The following LUZP2 variants were observed in gnomAD, a reference collection of about 807,000 sequenced individuals.
The protein encoded by LUZP2 is leucine zipper protein 2.
In LUZP2, 52 loss-of-function variants were observed where a neutral mutation model predicts 51.6. That is an observed-to-expected ratio of 1.01 (90% CI 0.81 to 1.27). LUZP2 has a LOEUF of 1.27. LUZP2 is among the 50% of genes most tolerant of loss of function. LUZP2 has a pLI of 0.00. For missense variants in LUZP2, 436 were observed against 395.4 expected, an observed-to-expected ratio of 1.10 and a Z score of -0.87; for synonymous variants, 154 against 137.3, an observed-to-expected ratio of 1.12 and a Z score of -0.85.
intron 9 of LUZP2, among the ~76,000 whole-genome samples, chr11:25,034,844 C>T (rs926631189): frequency 6.6e-6 from 1 of 152,086 alleles, no homozygotes; most frequent in Non-Finnish European, 1.5e-5. Context: ...AGTTTCAGGT[C>T]AGGTAGTGTG....
In LUZP2 at chr11:24,585,182, G is replaced by T. The variant is rs541844443; in HGVS notation, c.62+87877G>T. On this transcript the variant is annotated intron_variant, in intron 1 of 11. Coordinates refer to ENST00000336930, the MANE Select transcript of LUZP2 (RefSeq NM_001009909.4). Reference sequence around the variant, plus strand: ...AACATAGGTAAATTTACTGAAAAATGGAGAAAATATGTGCCTCTTTCCCTG... The same window carrying T: ...AACATAGGTAAATTTACTGAAAAATTGAGAAAATATGTGCCTCTTTCCCTG... 4.6e-5 allele frequency among the ~76,000 whole-genome samples: 7 copies of T among 152,102 alleles called. No homozygotes were observed. In the East Asian group the frequency reaches 1.2e-3, roughly 25 times the overall value.
chr11:24,531,525 C>T (rs1850999492), intron 1 of LUZP2, among the ~76,000 whole-genome samples: 1 of 150,760 alleles, frequency 6.6e-6, no homozygotes, highest in African/African-American at 2.4e-5. Context: ...AATGAGAATG[C>T]ATTTTTCCTA....
intron 7 of LUZP2, among the ~76,000 whole-genome samples, chr11:24,950,907 A>G (rs922981707): frequency 3.3e-5 from 5 of 151,542 alleles, no homozygotes; most frequent in Non-Finnish European, 7.4e-5. Context: ...TAATCAAGAC[A>G]TTGATAAGAA....
chr11:24,936,798 A>G (rs1854599686), intron 7 of LUZP2, among the ~76,000 whole-genome samples: 1 of 152,118 alleles, frequency 6.6e-6, no homozygotes, highest in Admixed American at 6.5e-5. Flanking sequence ...CAGAGGCCAA[A>G]ATTCACAATA....
intron 7 of LUZP2, among the ~76,000 whole-genome samples, chr11:24,932,913 CT>C (rs1299115499): frequency 4.6e-5 from 7 of 152,170 alleles, no homozygotes; most frequent in African/African-American, 1.7e-4. Context: ...CCCAATTCCT[CT>C]GGCAGCCTTC....
At chr11:24,920,982 T>G (rs975877331) in intron 7 of LUZP2, among the ~76,000 whole-genome samples, 1 of 152,050 alleles carries the variant, frequency 6.6e-6, no homozygotes, top group Non-Finnish European at 1.5e-5. Context: ...CACATAAAAA[T>G]AATATATCCA....
rs927098117 is a variant in LUZP2 at position 24,814,285 on chromosome 11, G to A, written c.396+50977G>A. 4.6e-5 allele frequency among the ~76,000 whole-genome samples: 7 copies of A among 151,920 alleles called. No homozygotes were observed. The East Asian group carries it at 7.7e-4, about 17-fold the overall frequency. On this transcript the variant is annotated intron_variant, in intron 5 of 11. Coordinates refer to ENST00000336930, the MANE Select transcript of LUZP2 (RefSeq NM_001009909.4). ...TGTGAAAAATTATTTCTTCATCCTC[G>A]TTTTTCCTGTGTAGATCCTAGAACA...
chr11:24,703,940 T>C (rs1288297289), intron 1 of LUZP2, among the ~76,000 whole-genome samples: 4 of 152,204 alleles, frequency 2.6e-5, no homozygotes, highest in African/African-American at 9.7e-5. Flanking sequence ...CTCTTGGGAA[T>C]AACCACATAG....
chr11:24,723,335 C>T (rs1003882541), intron 1 of LUZP2, among the ~76,000 whole-genome samples: 30 of 152,118 alleles, frequency 2.0e-4, no homozygotes, highest in African/African-American at 6.5e-4. Flanking sequence ...AGAACATATG[C>T]GTGCTTTATG....
chr11:24,632,172 A>G (rs1854919619), intron 1 of LUZP2, among the ~76,000 whole-genome samples: 1 of 151,988 alleles, frequency 6.6e-6, no homozygotes, highest in African/African-American at 2.4e-5. Context: ...GCATTTCACT[A>G]CTGAATTTTT....
intron 10 of LUZP2, among the ~76,000 whole-genome samples, chr11:25,066,830 G>A (rs1004923510): frequency 4.6e-5 from 7 of 151,906 alleles, no homozygotes; most frequent in Non-Finnish European, 1.0e-4. Context: ...AGACTATAAC[G>A]TGCTGAATTG....
intron 9 of LUZP2, among the ~76,000 whole-genome samples, chr11:25,046,502 C>T (rs919966963): frequency 6.6e-6 from 1 of 151,712 alleles, no homozygotes; most frequent in African/African-American, 2.4e-5. Flanking sequence ...TTCTCTTAAT[C>T]CTAAAAAAAT....
At chr11:25,052,161 G>C (rs778366089) in intron 10 of LUZP2, among the ~76,000 whole-genome samples, 3 of 152,130 alleles carry the variant, frequency 2.0e-5, no homozygotes, top group Non-Finnish European at 4.4e-5. Flanking sequence ...TTAGTACATA[G>C]AGTGCTCAGT....
intron 1 of LUZP2, among the ~76,000 whole-genome samples, chr11:24,566,917 ATGT>A: frequency 8.0e-5 from 1 of 12,452 alleles, no homozygotes; most frequent in African/African-American, 2.6e-4. Context: ...ATATATATAT[ATGT>A]ATATATGTAT....
intron 5 of LUZP2, among the ~76,000 whole-genome samples, chr11:24,857,133 A>G (rs752929585): frequency 9.2e-5 from 14 of 151,928 alleles, no homozygotes; most frequent in Non-Finnish European, 2.1e-4. Flanking sequence ...CCAATTTGAA[A>G]CCATAATTAG....
intron 1 of LUZP2, among the ~76,000 whole-genome samples, chr11:24,567,339 T>C (rs148789183): frequency 6.6e-6 from 1 of 152,102 alleles, no homozygotes; most frequent in African/African-American, 2.4e-5. Flanking sequence ...AGAGGCTTAA[T>C]GAAATTTGGA....
chr11:24,814,095 A>C (rs142089011), intron 5 of LUZP2, among the ~76,000 whole-genome samples: 1 of 152,356 alleles, frequency 6.6e-6, no homozygotes, highest in Non-Finnish European at 1.5e-5. Context: ...ACATTTTGTA[A>C]GTTAAAACTT....
intron 1 of LUZP2, among the ~76,000 whole-genome samples, chr11:24,676,243 G>C (rs1856547656): frequency 6.6e-6 from 1 of 152,148 alleles, no homozygotes; most frequent in South Asian, 2.1e-4. Context: ...GATCATGAAA[G>C]AGCTTTAAAA....
intron 1 of LUZP2, among the ~76,000 whole-genome samples, chr11:24,646,778 T>C (rs1855473860): frequency 6.6e-6 from 1 of 152,074 alleles, no homozygotes; most frequent in Admixed American, 6.6e-5. Context: ...ATAACATGCT[T>C]CTCATGTCAC....
Sources: gnomAD v4.1 joint callset for allele counts (sites outside exome capture counted in the v4.1 genomes callset) on GRCh38, gnomAD v4.1.1 for gene constraint, MANE v1.5 for transcripts, NCBI Gene and HGNC (gene_info 2026-07-23, HGNC 2026-07-21) for gene names.